The following FHIT variants were observed in gnomAD, a reference collection of about 807,000 sequenced individuals.
The protein encoded by FHIT is fragile histidine triad diadenosine triphosphatase.
Under a neutral mutation model 17.9 loss-of-function variants are expected in FHIT, and 19 were observed. The ratio of observed to expected loss-of-function variants is 1.06; its 90% confidence interval spans 0.74 to 1.56. FHIT has a LOEUF of 1.56. Among genes scored for constraint, FHIT ranks in the 40% most tolerant of loss-of-function variants. The pLI is 0.00. For synonymous variants in FHIT, 81 were observed against 69.7 expected, an observed-to-expected ratio of 1.16 and a Z score of -0.81; for missense variants, 248 against 189.2, an observed-to-expected ratio of 1.31 and a Z score of -1.82.
intron 5 of FHIT, among the ~76,000 whole-genome samples, chr3:60,508,998 C>T (rs992867105): frequency 8.5e-5 from 13 of 152,162 alleles, no homozygotes; most frequent in Admixed American, 2.6e-4. Context: ...CCACATAGTA[C>T]ATATCTGTGG....
At chr3:61,140,768 C>G (rs2037058276) in intron 2 of FHIT, among the ~76,000 whole-genome samples, 1 of 152,148 alleles carries the variant, frequency 6.6e-6, no homozygotes, top group Non-Finnish European at 1.5e-5. Context: ...ACATACATAG[C>G]ATACCAGTTC....
intron 5 of FHIT, among the ~76,000 whole-genome samples, chr3:60,097,749 AC>A (rs1447309863): frequency 6.6e-6 from 1 of 151,022 alleles, no homozygotes; most frequent in Non-Finnish European, 1.5e-5. Flanking sequence ...GTTTTAGGGT[AC>A]ATGTGCACAA....
chr3:59,945,112 A>G (rs755988563), intron 7 of FHIT, among the ~76,000 whole-genome samples: 6 of 152,172 alleles, frequency 3.9e-5, no homozygotes, highest in Non-Finnish European at 8.8e-5. Context: ...ACCTTCCACA[A>G]TGGCTGAGCT....
At chr3:59,787,479 AAAACACACACAC>A (rs1699355645) in intron 8 of FHIT, among the ~76,000 whole-genome samples, 1 of 111,234 alleles carries the variant, frequency 9.0e-6, no homozygotes, top group African/African-American at 3.7e-5. Flanking sequence ...CACAAGGGGC[AAAACACACACAC>A]ACACACACAC....
intron 5 of FHIT, among the ~76,000 whole-genome samples, chr3:60,043,369 T>A (rs1375258522): frequency 6.6e-6 from 1 of 152,232 alleles, no homozygotes; most frequent in East Asian, 1.9e-4. Context: ...ATACCTCCTA[T>A]TTTCTACGAA....
chr3:60,092,055 G>A (rs996378298), intron 5 of FHIT, among the ~76,000 whole-genome samples: 1 of 152,092 alleles, frequency 6.6e-6, no homozygotes, highest in Non-Finnish European at 1.5e-5. Flanking sequence ...AGTCGTAGAA[G>A]ACAAATAAAG....
intron 4 of FHIT, among the ~76,000 whole-genome samples, chr3:60,590,709 A>T (rs1393970574): frequency 7.2e-5 from 11 of 152,144 alleles, no homozygotes; most frequent in Non-Finnish European, 1.3e-4. Flanking sequence ...AAATACATTA[A>T]TTCAACGCAT....
chr3:60,924,613 CAG>C (rs1707475277), intron 3 of FHIT, among the ~76,000 whole-genome samples: 1 of 152,122 alleles, frequency 6.6e-6, no homozygotes, highest in African/African-American at 2.4e-5. Flanking sequence ...GGGGAAAAAA[CAG>C]AGCAGAAAAA....
At chr3:61,116,303 C>T (rs56055924) in intron 2 of FHIT, among the ~76,000 whole-genome samples, 3,630 of 152,056 alleles carry the variant, frequency 0.024, 144 homozygotes, top group African/African-American at 0.082. Context: ...GCTTTTAATA[C>T]GTACACACAC....
intron 4 of FHIT, among the ~76,000 whole-genome samples, chr3:60,700,201 A>C (rs1251088079): frequency 6.6e-6 from 1 of 152,048 alleles, no homozygotes; most frequent in Non-Finnish European, 1.5e-5. Context: ...CTATCCCAGC[A>C]CTATTTCCAA....
At chr3:60,133,711 G>A (rs901293229) in intron 5 of FHIT, among the ~76,000 whole-genome samples, 7 of 151,308 alleles carry the variant, frequency 4.6e-5, no homozygotes, top group Non-Finnish European at 8.8e-5. Context: ...CCCTTCCAAT[G>A]TTAACCTCTG....
chr3:60,370,635 T>G (rs1342816805), intron 5 of FHIT, among the ~76,000 whole-genome samples: 3 of 152,160 alleles, frequency 2.0e-5, no homozygotes, highest in African/African-American at 7.2e-5. Context: ...CCTCTTCTCT[T>G]TCACCCTTTC....
intron 8 of FHIT, among the ~76,000 whole-genome samples, chr3:59,772,401 C>T (rs2106837532): frequency 6.6e-6 from 1 of 152,190 alleles, no homozygotes; most frequent in South Asian, 2.1e-4. Context: ...CCATTTAGAA[C>T]AGTAACAGTG....
intron 4 of FHIT, among the ~76,000 whole-genome samples, chr3:60,745,434 G>A (rs1170183275): frequency 2.0e-5 from 3 of 152,196 alleles, no homozygotes; most frequent in South Asian, 4.1e-4. Context: ...GGTAGGGACC[G>A]TGCAAGGCCT....
chr3:60,178,853 G>T (rs999046603), intron 5 of FHIT, among the ~76,000 whole-genome samples: 5 of 152,106 alleles, frequency 3.3e-5, no homozygotes, highest in Non-Finnish European at 7.4e-5. Flanking sequence ...ACCCTGAGAA[G>T]TTCTGCAGTA....
At chr3:60,574,132 T>G (rs1305741825) in intron 4 of FHIT, among the ~76,000 whole-genome samples, 3 of 152,078 alleles carry the variant, frequency 2.0e-5, no homozygotes, top group Non-Finnish European at 4.4e-5. Flanking sequence ...TTCTGACTAT[T>G]GTGTTCTACT....
At chr3:60,046,495 A>G (rs1042888332) in intron 5 of FHIT, among the ~76,000 whole-genome samples, 4 of 152,232 alleles carry the variant, frequency 2.6e-5, no homozygotes, top group Non-Finnish European at 4.4e-5. Context: ...TCTAAAGTAT[A>G]TATGACTGCC....
chr3:60,748,433 G>A (rs928389790), intron 4 of FHIT, among the ~76,000 whole-genome samples: 16 of 152,192 alleles, frequency 1.1e-4, no homozygotes, highest in South Asian at 6.2e-4. Flanking sequence ...ACCCTCTCTC[G>A]CCCTCCATCG....
At chr3:61,174,726 C>T (rs1468423460) in intron 2 of FHIT, among the ~76,000 whole-genome samples, 3 of 152,304 alleles carry the variant, frequency 2.0e-5, no homozygotes, top group African/African-American at 7.2e-5. Flanking sequence ...ATTATTTGTA[C>T]ACATTTCTCA....
Sources: allele counts gnomAD v4.1 joint callset (sites outside exome capture counted in the v4.1 genomes callset), GRCh38; gene constraint gnomAD v4.1.1; transcripts MANE v1.5; gene names NCBI Gene and HGNC (gene_info 2026-07-23, HGNC 2026-07-21).